Variants in TRPM4 observed in about 807,000 individuals in gnomAD.
The protein encoded by TRPM4 is calcium-activated non-selective cation channel 1.
TRPM4 carries 124 observed loss-of-function variants against 135.6 expected under a neutral mutation model. The observed-to-expected ratio is 0.91, with a 90% CI of 0.79 to 1.06. The LOEUF (loss-of-function observed/expected upper bound fraction) is 1.06, where lower values mean the gene tolerates loss of function less well. TRPM4 is among the 50% of genes least tolerant of loss of function. The probability of loss-of-function intolerance (pLI) is 0.00; values close to 1 mark genes in which losing one functional copy is unlikely to be tolerated. For missense variants in TRPM4, 1,658 were observed against 1,671.4 expected (o/e 0.99, Z 0.14); for synonymous variants, 745 against 705.6 (o/e 1.06, Z -0.88).
At chr19:49,204,779 T>G (rs1421840309) in intron 20 of TRPM4, among the ~76,000 whole-genome samples, 1 of 151,642 alleles carries the variant, frequency 6.6e-6, no homozygotes, top group Non-Finnish European at 1.5e-5. Flanking sequence ...CAGGATGGTC[T>G]CGATCTCCTG....
intron 17 of TRPM4, among the ~76,000 whole-genome samples, chr19:49,199,608 GTA>G (rs1568487879): frequency 1.3e-5 from 2 of 151,142 alleles, no homozygotes; most frequent in African/African-American, 4.9e-5. Context: ...ATGTATAAAT[GTA>G]TATACTCCTT....
At chr19:49,209,215 C>T (rs1051622792) in intron 20 of TRPM4, among the ~76,000 whole-genome samples, 1 of 152,156 alleles carries the variant, frequency 6.6e-6, no homozygotes, top group African/African-American at 2.4e-5. Flanking sequence ...ATAAGGGCTA[C>T]TGCTCTGTAA....
chr19:49,194,264 T>C (rs1043221755), intron 16 of TRPM4, among the ~76,000 whole-genome samples: 1 of 152,150 alleles, frequency 6.6e-6, no homozygotes, highest in African/African-American at 2.4e-5. Flanking sequence ...TTCTCCTTTC[T>C]TCTTCTTTGA....
rs990882374 is a variant in TRPM4 at position 49,210,873 on chromosome 19, T to C, written c.3461+31T>C. The stretch of plus-strand genomic sequence containing the variant: ...AGCGGGGCCTGGTCGGGGATGGGGC[T>C]TCTGGCCTGGGGCGGATCCTGACTT... On this transcript the variant is annotated intron_variant, in intron 22 of 24. Transcript: ENST00000252826. This position sits in a 1 kb window ranked among gnomAD's most constrained non-coding sequence, Gnocchi z 4.1. 1.3e-6 allele frequency: 2 copies of C among 1,599,054 alleles called. No homozygotes were observed. Among genetic ancestry groups the C allele is most frequent in the Non-Finnish European group, 1.7e-6 (2 of 1,173,640 alleles).
chr19:49,169,332 C>T (rs56136851), intron 6 of TRPM4, among the ~76,000 whole-genome samples: 6 of 136,500 alleles, frequency 4.4e-5, no homozygotes, highest in East Asian at 2.1e-4. Flanking sequence ...AGTGCAGTGG[C>T]GCGATCTCGG....
rs1968308323 is a variant in TRPM4, at chr19:49,189,007, C to T, written c.1935C>T (p.Arg645=). 6.2e-7 allele frequency: 1 copy of T among 1,614,196 alleles called. No individual in the cohort carries two copies. Among genetic ancestry groups the T allele is most frequent in the Non-Finnish European group, 8.5e-7 (1 of 1,180,042 alleles). ...EVRAARLLLR[R]CPLWGDATCL... ...GGGCTGCCCGCCTCCTCCTCCGTCG[C>T]TGCCCGCTCTGGGGGGATGCCACTT... Residue 645 remains arginine (R), a synonymous_variant, in exon 14 of 25, where the codon CGC becomes CGT. Coordinates refer to ENST00000252826, the MANE Select transcript of TRPM4 (RefSeq NM_017636.4).
rs575233776 is a variant in TRPM4, at chr19:49,173,841, T to C, written c.1150+1733T>C. 1.1e-4 allele frequency among the ~76,000 whole-genome samples: 17 copies of C among 150,318 alleles called. No homozygotes were observed. In the East Asian group the frequency reaches 3.3e-3, roughly 29 times the overall value. On this transcript the variant is annotated intron_variant, in intron 9 of 24. Coordinates refer to ENST00000252826, the MANE Select transcript of TRPM4 (RefSeq NM_017636.4). ...CCTGGTAAATTAAACAAAAAAAAAA[T>C]TTTTTTTTTGTACAGACGAGGTCTT...
chr19:49,165,913 G>A, intron 2 of TRPM4, 128 bp from the exon 3 acceptor site: 1 of 956,618 alleles, frequency 1.0e-6, no homozygotes, highest in Non-Finnish European at 1.6e-6. Context: ...GGGGCAGCGT[G>A]GACTCTGCCT....
rs80348831 is a variant in TRPM4, at chr19:49,179,609, C to T, written c.1151-1740C>T. Among the ~76,000 whole-genome samples the T allele has an allele frequency of 3.8e-3, 578 of 152,344 alleles. 5 individuals are homozygous for T. Among genetic ancestry groups the T allele is most frequent in the East Asian group, 0.019 (98 of 5,190 alleles). On this transcript the variant is annotated intron_variant, in intron 9 of 24. Transcript: ENST00000252826. ...AGGCGATCCGCCCATCTTGGCCTCC[C>T]AAAGTGCTGGGATTACAGGCGTGAG...
intron 11 of TRPM4, 51 bp from the exon 12 acceptor site, chr19:49,183,027 G>A (rs1968054050): frequency 1.9e-6 from 3 of 1,605,412 alleles, no homozygotes; most frequent in Non-Finnish European, 1.7e-6. Context: ...GGCTGGTGGT[G>A]GCCAGTGTTG....
rs1307610674 is a variant in TRPM4 at position 49,210,208 on chromosome 19, G to A, written c.3132-1G>A. 6.2e-7 allele frequency: 1 copy of A among 1,614,226 alleles called. No individual in the cohort carries two copies. ...TGACCTTTGACCTCTGGCCTTTGCAGTTACACATTCGGCAAAGTACAGGGC... is the reference window on the plus strand; with the variant it reads ...TGACCTTTGACCTCTGGCCTTTGCAATTACACATTCGGCAAAGTACAGGGC... On this transcript the variant is annotated splice_acceptor_variant, in intron 20 of 24. Transcript: ENST00000252826. LOFTEE classifies it high-confidence loss of function. This position sits in a 1 kb window ranked among gnomAD's most constrained non-coding sequence, Gnocchi z 4.1.
At position 49,190,325 on chromosome 19, in the gene TRPM4, G is replaced by T. The variant is rs368773450; in HGVS notation, c.2132+5G>T. The T allele has an allele frequency of 2.5e-6, 4 of 1,612,866 alleles. No homozygotes were observed. The African/African-American group carries it at 5.3e-5, about 22-fold the overall frequency. Reference sequence around the variant, plus strand: ...CACCCGCCTCATCACCTTCAGGTCAGTACCCTGGGGTGAGAGTGGTGGGGA... The same window carrying T: ...CACCCGCCTCATCACCTTCAGGTCATTACCCTGGGGTGAGAGTGGTGGGGA... On this transcript the variant is annotated splice_donor_5th_base_variant and intron_variant, in intron 15 of 24. Coordinates refer to ENST00000252826, the MANE Select transcript of TRPM4 (RefSeq NM_017636.4).
chr19:49,203,357 T>G (rs559854403), intron 20 of TRPM4, among the ~76,000 whole-genome samples: 3 of 151,592 alleles, frequency 2.0e-5, no homozygotes, highest in Non-Finnish European at 4.4e-5. Context: ...TTTTTTGTAT[T>G]TTTAGTAGAG....
At chr19:49,162,180 T>A (rs1966990276) in intron 2 of TRPM4, among the ~76,000 whole-genome samples, 1 of 152,052 alleles carries the variant, frequency 6.6e-6, no homozygotes, top group Non-Finnish European at 1.5e-5. Flanking sequence ...TGTGATACAG[T>A]CAGATGAAAC....
intron 9 of TRPM4, among the ~76,000 whole-genome samples, chr19:49,174,754 A>C (rs1967610508): frequency 6.6e-6 from 1 of 151,650 alleles, no homozygotes; most frequent in East Asian, 2.0e-4. Context: ...AAAAAAAAAA[A>C]AAAAAAACCT....
chr19:49,201,819 C>T lies in TRPM4; in HGVS notation c.2954-145C>T, dbSNP rs1342150600. 4 of 884,154 alleles carry T rather than the reference C, an allele frequency of 4.5e-6. No homozygotes were observed. The Admixed American group carries it at 5.1e-5, about 11-fold the overall frequency. 54.8% of individuals were successfully genotyped at this position (884,154 alleles called of 1,614,324 possible). A position where few individuals can be genotyped will look rare whatever the true frequency, so the allele number is the denominator to read the frequency against. On this transcript the variant is annotated intron_variant, in intron 19 of 24. Coordinates refer to ENST00000252826, the MANE Select transcript of TRPM4 (RefSeq NM_017636.4). Reference sequence around the variant, plus strand: ...TTCATCACATTGGTCAGGCTAGTCTCAAACTCCCCACCTCAGGTGATCCGG... The same window carrying T: ...TTCATCACATTGGTCAGGCTAGTCTTAAACTCCCCACCTCAGGTGATCCGG...
rs1481004303 is a variant in TRPM4 at position 49,190,236 on chromosome 19, A to T, written c.2048A>T (p.Asp683Val). 6.2e-7 allele frequency: 1 copy of T among 1,613,990 alleles called. No individual in the cohort carries two copies. The highest frequency in any genetic ancestry group is 8.5e-7 in the Non-Finnish European group (1 of 1,179,992). Residue 683 changes from aspartate (D) to valine (V), a missense_variant, in exon 15 of 25, where the codon GAT (aspartate) becomes GTT (valine). Around this residue, in one of 3 missense-constraint regions of TRPM4, gnomAD observed 1,412 missense variants for 1,408.7 expected, o/e 1.00. Transcript: ENST00000252826. ...CTGCTGACACAGAAGTGGTGGGGAG[A>T]TATGGCCAGCACTACACCCATCTGG... Reference protein sequence around the residue: ...QSLLTQKWWGDMASTTPIWAL... With the variant: ...QSLLTQKWWGVMASTTPIWAL...
At chr19:49,164,678 G>A (rs983393147) in intron 2 of TRPM4, among the ~76,000 whole-genome samples, 3 of 147,008 alleles carry the variant, frequency 2.0e-5, no homozygotes, top group South Asian at 2.3e-4. Context: ...CACTGCGCCC[G>A]GCCTCTTGCT....
chr19:49,193,080 G>GTT (rs1555758685), intron 16 of TRPM4, among the ~76,000 whole-genome samples: 45 of 132,772 alleles, frequency 3.4e-4, no homozygotes, highest in African/African-American at 3.3e-4. Flanking sequence ...AAATCAGTTG[G>GTT]TTTTTTTTTT....
Sources: allele counts gnomAD v4.1 joint callset (sites outside exome capture counted in the v4.1 genomes callset), GRCh38; gene constraint gnomAD v4.1.1; regional missense constraint gnomAD v4.1.1; non-coding constraint Gnocchi (gnomAD v3.1); transcripts MANE v1.5; gene names NCBI Gene and HGNC (gene_info 2026-07-23, HGNC 2026-07-21).